The following GPATCH2 variants were observed in gnomAD, a reference collection of about 807,000 sequenced individuals.
GPATCH2 encodes G patch domain-containing protein 2.
In GPATCH2, 51 loss-of-function variants were observed where a neutral mutation model predicts 58.0. That is an observed-to-expected ratio of 0.88 (90% CI 0.70 to 1.11). The LOEUF is 1.11. GPATCH2 is among the 50% of genes most tolerant of loss of function. The pLI, the probability that GPATCH2 is intolerant of heterozygous loss-of-function variation, is 0.00. For synonymous variants in GPATCH2, 222 were observed against 218.5 expected (o/e 1.02, Z -0.14); for missense variants, 625 against 652.2 (o/e 0.96, Z 0.45).
intron 6 of GPATCH2, among the ~76,000 whole-genome samples, chr1:217,499,511 C>G (rs928100399): frequency 6.6e-6 from 1 of 152,172 alleles, no homozygotes; most frequent in Non-Finnish European, 1.5e-5. Context: ...AACAAACAGC[C>G]TCTACATTAA....
chr1:217,435,119 A>G (rs1658749951), intron 9 of GPATCH2, among the ~76,000 whole-genome samples: 1 of 152,138 alleles, frequency 6.6e-6, no homozygotes, highest in African/African-American at 2.4e-5. Flanking sequence ...GAGTGGAACA[A>G]CTCAGCCTCA....
At chr1:217,574,335 T>G (rs1666707769) in intron 5 of GPATCH2, among the ~76,000 whole-genome samples, 1 of 152,164 alleles carries the variant, frequency 6.6e-6, no homozygotes, top group Non-Finnish European at 1.5e-5. Context: ...AAATTTAGAT[T>G]GAAACCAATA....
At chr1:217,467,299 T>G (rs2102496445) in intron 8 of GPATCH2, among the ~76,000 whole-genome samples, 1 of 152,326 alleles carries the variant, frequency 6.6e-6, no homozygotes, top group Non-Finnish European at 1.5e-5. Flanking sequence ...ATTTTTATAT[T>G]ATTATAAAAC....
At chr1:217,458,656 A>T (rs1660067256) in intron 8 of GPATCH2, among the ~76,000 whole-genome samples, 1 of 152,080 alleles carries the variant, frequency 6.6e-6, no homozygotes, top group Non-Finnish European at 1.5e-5. Context: ...AGAGCAATGT[A>T]TTCTAGCTAC....
In GPATCH2 at chr1:217,516,713, C is replaced by T. The variant is rs531328357; in HGVS notation, c.1099-1824G>A. On this transcript the variant is annotated intron_variant, in intron 5 of 9. Transcript: ENST00000366935. ...AGGCAACTTATTTCCTTTGCCAAGG[C>T]TGCTGACAACCTTTTCCACACTATA... Among the ~76,000 whole-genome samples the T allele has an allele frequency of 8.5e-5, 13 of 152,302 alleles. No individual in the cohort carries two copies. In the East Asian group the frequency reaches 2.3e-3, roughly 27 times the overall value.
chr1:217,497,742 C>T (rs1662082636), intron 7 of GPATCH2, among the ~76,000 whole-genome samples: 1 of 148,776 alleles, frequency 6.7e-6, no homozygotes, highest in South Asian at 2.1e-4. Context: ...GATGCAAACT[C>T]TAAAATGTAT....
intron 5 of GPATCH2, among the ~76,000 whole-genome samples, chr1:217,542,811 A>G (rs1287832423): frequency 6.6e-6 from 1 of 152,200 alleles, no homozygotes; most frequent in East Asian, 1.9e-4. Flanking sequence ...TATCCTCCAG[A>G]GTTGACAAGA....
intron 5 of GPATCH2, among the ~76,000 whole-genome samples, chr1:217,576,498 T>C (rs1666810229): frequency 6.6e-6 from 1 of 152,200 alleles, no homozygotes; most frequent in Non-Finnish European, 1.5e-5. Flanking sequence ...CCCAAATTTT[T>C]ATACATTCTA....
chr1:217,573,354 A>G (rs1416143570), intron 5 of GPATCH2, among the ~76,000 whole-genome samples: 1 of 152,184 alleles, frequency 6.6e-6, no homozygotes, highest in Non-Finnish European at 1.5e-5. Flanking sequence ...CACTTGGAAA[A>G]AAAAAATCAA....
chr1:217,494,721 ATGAAAAAG>A (rs968025050), intron 7 of GPATCH2, among the ~76,000 whole-genome samples: 15 of 152,034 alleles, frequency 9.9e-5, no homozygotes, highest in African/African-American at 2.2e-4. Flanking sequence ...TCCAGCCTGG[ATGAAAAAG>A]TGAGACTCTG....
chr1:217,508,183 C>T (rs971252066), intron 6 of GPATCH2, among the ~76,000 whole-genome samples: 2 of 151,982 alleles, frequency 1.3e-5, no homozygotes, highest in Non-Finnish European at 2.9e-5. Context: ...GAGGAGGAAT[C>T]GATCTGTATT....
chr1:217,493,912 T>TA (rs1558432306), intron 7 of GPATCH2, among the ~76,000 whole-genome samples: 1 of 152,008 alleles, frequency 6.6e-6, no homozygotes, highest in Non-Finnish European at 1.5e-5. Context: ...AGGCTTGTGT[T>TA]ACAACAGTTC....
intron 5 of GPATCH2, 53 bp downstream of exon 5, chr1:217,610,268 T>C (rs756511881): frequency 8.7e-6 from 13 of 1,494,150 alleles, no homozygotes; most frequent in South Asian, 3.4e-5. Flanking sequence ...TTTTATTCCA[T>C]AGAAATGGAA....
intron 5 of GPATCH2, among the ~76,000 whole-genome samples, chr1:217,587,363 C>G (rs975213542): frequency 5.9e-5 from 9 of 152,190 alleles, no homozygotes; most frequent in African/African-American, 2.2e-4. Flanking sequence ...CCACTGAACA[C>G]TCCTTTTCCT....
chr1:217,514,087 A>G (rs1662998819), intron 6 of GPATCH2, among the ~76,000 whole-genome samples: 1 of 151,878 alleles, frequency 6.6e-6, no homozygotes, highest in South Asian at 2.1e-4. Flanking sequence ...TTGGCCTCCC[A>G]AAGTGCTGGG....
intron 5 of GPATCH2, among the ~76,000 whole-genome samples, chr1:217,604,073 G>A (rs942964608): frequency 2.0e-5 from 3 of 152,050 alleles, no homozygotes; most frequent in Non-Finnish European, 2.9e-5. Flanking sequence ...GTTTCTGGCC[G>A]GGCACAGTGG....
rs1054507163 is a variant in GPATCH2, at chr1:217,608,502, T to C, written c.1098+1819A>G. ...TACCATGAAGCTAGCCTATCAGTTG[T>C]AATAGCTTCTATAAAATACCACAGT... On this transcript the variant is annotated intron_variant, in intron 5 of 9. Transcript: ENST00000366935. 3 of 984,742 alleles carry C rather than the reference T, an allele frequency of 3.0e-6. No individual in the cohort carries two copies. The African/African-American group carries it at 5.2e-5, about 17-fold the overall frequency. The allele number at this position is 984,742 out of a possible 1,614,324, so 61.0% of individuals were successfully genotyped here.
chr1:217,574,909 T>G (rs1012669989), intron 5 of GPATCH2, among the ~76,000 whole-genome samples: 3 of 152,160 alleles, frequency 2.0e-5, no homozygotes, highest in African/African-American at 7.2e-5. Flanking sequence ...AACATAAAAT[T>G]CAATCTCATA....
intron 8 of GPATCH2, among the ~76,000 whole-genome samples, chr1:217,458,292 G>C (rs771486200): frequency 1.3e-5 from 2 of 152,116 alleles, no homozygotes; most frequent in African/African-American, 2.4e-5. Context: ...AGCCTAGAGG[G>C]ACTGCTAGTC....
Sources: gnomAD v4.1 joint callset for allele counts (sites outside exome capture counted in the v4.1 genomes callset) on GRCh38, gnomAD v4.1.1 for gene constraint, MANE v1.5 for transcripts, NCBI Gene and HGNC (gene_info 2026-07-23, HGNC 2026-07-21) for gene names.